The following CAB39L variants were observed in gnomAD, a reference collection of about 807,000 sequenced individuals.
CAB39L encodes calcium-binding protein 39-like.
CAB39L carries 23 observed loss-of-function variants against 39.1 expected under a neutral mutation model. That is an observed-to-expected ratio of 0.59 (90% CI 0.42 to 0.83). CAB39L has a LOEUF of 0.83. Among genes scored for constraint, CAB39L ranks in the 40% least tolerant of loss-of-function variants. The probability of loss-of-function intolerance (pLI) is 0.00; values close to 1 mark genes in which losing one functional copy is unlikely to be tolerated. For missense variants in CAB39L, 366 were observed against 391.9 expected (o/e 0.93, Z 0.56); for synonymous variants, 126 against 137.2 (o/e 0.92, Z 0.57).
At chr13:49,426,829 C>T (rs1429231402) in intron 3 of CAB39L, among the ~76,000 whole-genome samples, 4 of 152,202 alleles carry the variant, frequency 2.6e-5, no homozygotes, top group African/African-American at 9.6e-5. Flanking sequence ...TGCAGCATTA[C>T]TATACGTGTT....
chr13:49,336,553 T>C (rs901789900), intron 9 of CAB39L, among the ~76,000 whole-genome samples: 1 of 152,204 alleles, frequency 6.6e-6, no homozygotes, highest in Non-Finnish European at 1.5e-5. Flanking sequence ...CCTCCAAATT[T>C]GGTTCAATCA....
chr13:49,420,937 GA>G (rs376043362), intron 3 of CAB39L, among the ~76,000 whole-genome samples: 35 of 152,068 alleles, frequency 2.3e-4, no homozygotes, highest in Admixed American at 7.9e-4. Context: ...TCTGCATGAA[GA>G]AAAAAATAAT....
intron 10 of CAB39L, among the ~76,000 whole-genome samples, chr13:49,318,974 CG>C (rs758050873): frequency 3.1e-4 from 47 of 151,960 alleles, no homozygotes; most frequent in Admixed American, 5.2e-4. Context: ...AGTACCGGGC[CG>C]GGTGCAGTGG....
chr13:49,373,709 C>T (rs1955984250), intron 5 of CAB39L, among the ~76,000 whole-genome samples: 1 of 152,202 alleles, frequency 6.6e-6, no homozygotes, highest in Non-Finnish European at 1.5e-5. Context: ...AAACAATTCA[C>T]AAATTAACAT....
intron 1 of CAB39L, among the ~76,000 whole-genome samples, chr13:49,437,378 G>C (rs140627638): frequency 5.3e-5 from 8 of 152,104 alleles, no homozygotes; most frequent in Non-Finnish European, 5.9e-5. Flanking sequence ...CTATCACCAA[G>C]CCTCCAGGTA....
At chr13:49,339,491 G>A (rs1361011812) in intron 9 of CAB39L, among the ~76,000 whole-genome samples, 186 bp downstream of exon 9, 3 of 152,018 alleles carry the variant, frequency 2.0e-5, no homozygotes, top group Non-Finnish European at 4.4e-5. Context: ...CCAAAAGCAG[G>A]ACAGGACACT....
intron 3 of CAB39L, among the ~76,000 whole-genome samples, chr13:49,402,608 C>A (rs150265439): frequency 6.6e-6 from 1 of 152,232 alleles, no homozygotes; most frequent in East Asian, 1.9e-4. Context: ...CATTCTTATT[C>A]TCTGCAGAAT....
intron 8 of CAB39L, among the ~76,000 whole-genome samples, chr13:49,340,518 C>T (rs1377138722): frequency 6.6e-6 from 1 of 152,130 alleles, no homozygotes; most frequent in Non-Finnish European, 1.5e-5. Flanking sequence ...GCAAGCTGTG[C>T]ATGCTGACAA....
intron 10 of CAB39L, among the ~76,000 whole-genome samples, chr13:49,323,100 A>G (rs2138360666): frequency 6.6e-6 from 1 of 152,254 alleles, no homozygotes; most frequent in South Asian, 2.1e-4. Context: ...TGTATTCTCT[A>G]TACCCTCCTC....
chr13:49,389,706 ATTC>A (rs1956446558), intron 3 of CAB39L, among the ~76,000 whole-genome samples: 1 of 152,218 alleles, frequency 6.6e-6, no homozygotes, highest in African/African-American at 2.4e-5. Context: ...CTATATCTTC[ATTC>A]GATATAGCCA....
chr13:49,311,808 CAA>C (rs1953999595), intron 10 of CAB39L, among the ~76,000 whole-genome samples: 1 of 151,970 alleles, frequency 6.6e-6, no homozygotes, highest in African/African-American at 2.4e-5. Flanking sequence ...TGTGTTATTG[CAA>C]AAGAGTAAAA....
chr13:49,363,833 A>G (rs1955697611), intron 5 of CAB39L, among the ~76,000 whole-genome samples: 1 of 151,204 alleles, frequency 6.6e-6, no homozygotes, highest in Admixed American at 6.6e-5. Context: ...AAAAAAAAAA[A>G]AAAGAAAAGA....
chr13:49,418,951 A>G (rs73188635), intron 3 of CAB39L, among the ~76,000 whole-genome samples: 15,163 of 152,154 alleles, frequency 0.1, 906 homozygotes, highest in South Asian at 0.27. Flanking sequence ...GTTTTTAATT[A>G]ATTTACATTT....
At chr13:49,350,463 C>T (rs1955312040) in intron 7 of CAB39L, among the ~76,000 whole-genome samples, 1 of 152,142 alleles carries the variant, frequency 6.6e-6, no homozygotes. Context: ...GACAGCATGC[C>T]ACACACAGAG....
At chr13:49,442,787 C>CAAAA (rs71078844) in intron 1 of CAB39L, among the ~76,000 whole-genome samples, 271 of 103,576 alleles carry the variant, frequency 2.6e-3, no homozygotes, top group Non-Finnish European at 3.6e-3. Flanking sequence ...GACTCCATCT[C>CAAAA]AAAAAAAAAA....
At chr13:49,362,011 AT>A (rs1304721342) in intron 5 of CAB39L, among the ~76,000 whole-genome samples, 6 of 151,808 alleles carry the variant, frequency 4.0e-5, no homozygotes, top group African/African-American at 1.2e-4. Flanking sequence ...TCTTTTTGTT[AT>A]TTTTTTTCTG....
chr13:49,403,629 T>C (rs965680287), intron 3 of CAB39L, among the ~76,000 whole-genome samples: 1 of 150,992 alleles, frequency 6.6e-6, no homozygotes, highest in Admixed American at 6.6e-5. Context: ...AGGAGAGACA[T>C]GGCAGATATA....
chr13:49,413,331 A>G (rs1957028780), intron 3 of CAB39L, among the ~76,000 whole-genome samples: 1 of 152,220 alleles, frequency 6.6e-6, no homozygotes, highest in Non-Finnish European at 1.5e-5. Context: ...TACAAAAATC[A>G]TAGACTTTAT....
At chr13:49,349,785 T>G (rs913707316) in intron 7 of CAB39L, among the ~76,000 whole-genome samples, 1 of 152,146 alleles carries the variant, frequency 6.6e-6, no homozygotes, top group Non-Finnish European at 1.5e-5. Flanking sequence ...GATAAAAGTT[T>G]GCCATTATTG....
Sources: gnomAD v4.1 joint callset for allele counts (sites outside exome capture counted in the v4.1 genomes callset) on GRCh38, gnomAD v4.1.1 for gene constraint, MANE v1.5 for transcripts, NCBI Gene and HGNC (gene_info 2026-07-23, HGNC 2026-07-21) for gene names.